Variants in TRHDE observed in about 807,000 individuals in gnomAD.
The protein encoded by TRHDE is thyrotropin-releasing hormone-degrading ectoenzyme.
A neutral mutation model predicts 125.7 loss-of-function variants in TRHDE; 72 were observed. The observed-to-expected ratio is 0.57, with a 90% CI of 0.47 to 0.70. TRHDE has a LOEUF of 0.70. Among genes scored for constraint, TRHDE ranks in the 30% least tolerant of loss-of-function variants. TRHDE has a pLI of 0.00. For missense variants in TRHDE, 1,110 were observed against 1,327.1 expected, an observed-to-expected ratio of 0.84 and a Z score of 2.54; for synonymous variants, 509 against 509.1, an observed-to-expected ratio of 1.00 and a Z score of 0.00.
chr12:72,329,122 T>A (rs1869467745), intron 2 of TRHDE, among the ~76,000 whole-genome samples: 1 of 152,192 alleles, frequency 6.6e-6, no homozygotes, highest in Non-Finnish European at 1.5e-5. Flanking sequence ...ATATAGTAGA[T>A]GTTTCCCAGC....
chr12:72,362,864 C>T (rs992611231), intron 2 of TRHDE, among the ~76,000 whole-genome samples: 4 of 151,970 alleles, frequency 2.6e-5, no homozygotes, highest in Non-Finnish European at 4.4e-5. Context: ...GTTCAAAGAT[C>T]GGATAGTTGT....
chr12:72,098,720 G>A (rs765511446), intron 1 of TRHDE, among the ~76,000 whole-genome samples: 1 of 152,138 alleles, frequency 6.6e-6, no homozygotes, highest in Admixed American at 6.6e-5. Context: ...ACCATGTGGA[G>A]AACCCAGCCA....
intron 12 of TRHDE, among the ~76,000 whole-genome samples, chr12:72,601,244 T>C (rs1185805443): frequency 6.6e-6 from 1 of 152,060 alleles, no homozygotes; most frequent in Non-Finnish European, 1.5e-5. Context: ...GTGGTAGAAA[T>C]AGCAAGAGAA....
At chr12:72,554,238 T>C (rs984677056) in intron 7 of TRHDE, among the ~76,000 whole-genome samples, 1 of 152,182 alleles carries the variant, frequency 6.6e-6, no homozygotes, top group African/African-American at 2.4e-5. Context: ...CAGCCCTTTT[T>C]TTCCCATTTA....
chr12:72,264,481 C>G (rs1472625777), intron 2 of TRHDE: 2 of 151,946 alleles, frequency 1.3e-5, no homozygotes, highest in African/African-American at 4.8e-5. Flanking sequence ...TTGCCACTTA[C>G]GTTATGCAAG....
intron 12 of TRHDE, among the ~76,000 whole-genome samples, chr12:72,604,562 A>G (rs923902698): frequency 6.6e-6 from 1 of 152,022 alleles, no homozygotes; most frequent in Admixed American, 6.6e-5. Context: ...TACTGAAGAG[A>G]AATTTCTAAT....
chr12:72,380,671 C>G (rs1872100018), intron 3 of TRHDE, among the ~76,000 whole-genome samples: 1 of 152,026 alleles, frequency 6.6e-6, no homozygotes, highest in Non-Finnish European at 1.5e-5. Context: ...GGGTGGATGA[C>G]AGATCATGGA....
Position 72,669,071 on chromosome 12 carries a change from T to C in TRHDE, c.*5876T>C, listed in dbSNP as rs1453113502. The stretch of plus-strand genomic sequence containing the variant: ...CATTTTACATTAGCATGTTGTGTAG[T>C]GGGTTTTAAGTTATAACAGGTAATT... On this transcript the variant is annotated 3_prime_UTR_variant, in exon 19 of 19. Coordinates refer to ENST00000261180, the MANE Select transcript of TRHDE (RefSeq NM_013381.3). 4.0e-5 allele frequency: 6 copies of C among 151,636 alleles called. No individual in the cohort carries two copies. The highest frequency in any genetic ancestry group is 7.4e-5 in the Non-Finnish European group (5 of 67,772). The allele number at this position is 151,636 out of a possible 1,614,324, so 9.4% of individuals were successfully genotyped here.
intron 2 of TRHDE, among the ~76,000 whole-genome samples, chr12:72,212,181 T>C (rs1877796177): frequency 6.6e-6 from 1 of 152,110 alleles, no homozygotes; most frequent in Non-Finnish European, 1.5e-5. Flanking sequence ...CTAATGAACA[T>C]GTATTCATTG....
chr12:72,186,244 A>G, intron 2 of TRHDE: 1 of 171,458 alleles, frequency 5.8e-6, no homozygotes, highest in Non-Finnish European at 1.2e-5. Flanking sequence ...CAGCGAGACC[A>G]CGAGCCCACC....
chr12:72,473,478 C>A lies in TRHDE; in HGVS notation c.1584+298C>A, dbSNP rs576096665. On this transcript the variant is annotated intron_variant, in intron 5 of 18. Transcript: ENST00000261180. ...AAATTGTCCTTTAAAATAAAGAAGT[C>A]AAGAGTAATTAATAATATTTTAAAT... Among the ~76,000 whole-genome samples, 7 of 151,740 alleles carry A rather than the reference C, an allele frequency of 4.6e-5. No individual in the cohort carries two copies. In the East Asian group the frequency reaches 7.7e-4, roughly 17 times the overall value.
At chr12:72,324,883 T>C (rs1869268208) in intron 2 of TRHDE, among the ~76,000 whole-genome samples, 1 of 152,144 alleles carries the variant, frequency 6.6e-6, no homozygotes, top group Admixed American at 6.6e-5. Flanking sequence ...TGATGTTCTC[T>C]TGTCTTTCTG....
At chr12:72,332,885 C>A (rs567585092) in intron 2 of TRHDE, among the ~76,000 whole-genome samples, 20 of 152,152 alleles carry the variant, frequency 1.3e-4, no homozygotes, top group Admixed American at 5.9e-4. Flanking sequence ...CACATTTAAA[C>A]GATATTCTGA....
chr12:72,285,547 G>T, intron 1 of TRHDE, among the ~76,000 whole-genome samples: 1 of 145,474 alleles, frequency 6.9e-6, no homozygotes, highest in Non-Finnish European at 1.5e-5. Context: ...TTTGAGACAG[G>T]GTCTCGCTCT....
chr12:72,244,462 A>G (rs943992446), intron 2 of TRHDE, among the ~76,000 whole-genome samples: 2 of 152,144 alleles, frequency 1.3e-5, no homozygotes, highest in Non-Finnish European at 2.9e-5. Flanking sequence ...CCATGGCTAC[A>G]TGAACTAATT....
At chr12:72,437,358 T>G (rs1348843987) in intron 3 of TRHDE, among the ~76,000 whole-genome samples, 1 of 151,794 alleles carries the variant, frequency 6.6e-6, no homozygotes, top group Non-Finnish European at 1.5e-5. Context: ...GTCACCCATT[T>G]CTCCGTTGTA....
At chr12:72,591,911 A>C (rs1342603370) in intron 12 of TRHDE, among the ~76,000 whole-genome samples, 1 of 151,666 alleles carries the variant, frequency 6.6e-6, no homozygotes, top group African/African-American at 2.4e-5. Context: ...CCTGTATTCA[A>C]AGTGTGATTT....
At chr12:72,277,597 A>G (rs778316080) in intron 1 of TRHDE, among the ~76,000 whole-genome samples, 5 of 152,116 alleles carry the variant, frequency 3.3e-5, no homozygotes, top group Non-Finnish European at 7.4e-5. Flanking sequence ...TCAGGCTCAC[A>G]TAACCATATG....
At chr12:72,456,596 C>G (rs918038954) in intron 3 of TRHDE, among the ~76,000 whole-genome samples, 1 of 151,966 alleles carries the variant, frequency 6.6e-6, no homozygotes, top group Non-Finnish European at 1.5e-5. Context: ...CCCTCATGCT[C>G]TATTAACTGT....
Sources: allele counts gnomAD v4.1 joint callset (sites outside exome capture counted in the v4.1 genomes callset), GRCh38; gene constraint gnomAD v4.1.1; transcripts MANE v1.5; gene names NCBI Gene and HGNC (gene_info 2026-07-23, HGNC 2026-07-21).